The following C4orf51 variants were observed in gnomAD, a reference collection of about 807,000 sequenced individuals.
The protein encoded by C4orf51 is uncharacterized protein C4orf51.
Under a neutral mutation model 25.2 loss-of-function variants are expected in C4orf51, and 25 were observed. The observed-to-expected ratio is 0.99, with a 90% CI of 0.72 to 1.39. The LOEUF is 1.39. Among genes scored for constraint, C4orf51 ranks in the 40% most tolerant of loss-of-function variants. The pLI is 0.00. For missense variants in C4orf51, 252 were observed against 239.6 expected (o/e 1.05, Z -0.34); for synonymous variants, 100 against 84.5 (o/e 1.18, Z -1.01).
At chr4:145,742,451 C>T (rs1030971836) in intron 1 of C4orf51, among the ~76,000 whole-genome samples, 2 of 152,038 alleles carry the variant, frequency 1.3e-5, no homozygotes, top group South Asian at 4.1e-4. Context: ...CATCTTTGCT[C>T]CAACAAGTCT....
At position 145,712,209 on chromosome 4, in the gene C4orf51, C is replaced by T. The variant is rs148875559; in HGVS notation, c.308-14702C>T. Reference sequence around the variant, plus strand: ...AGGCCAATTAATAACCCTACAATGGCCTCTAATGGTTTGAGTGAAAGGAAG... The same window carrying T: ...AGGCCAATTAATAACCCTACAATGGTCTCTAATGGTTTGAGTGAAAGGAAG... On this transcript the variant is annotated intron_variant, in intron 2 of 5. Transcript: ENST00000438731. Among the ~76,000 whole-genome samples, 1,288 of 152,248 alleles carry T rather than the reference C, an allele frequency of 8.5e-3. 14 individuals are homozygous for T. Among genetic ancestry groups the T allele is most frequent in the African/African-American group, 0.028 (1,183 of 41,544 alleles).
intron 1 of C4orf51, among the ~76,000 whole-genome samples, chr4:145,742,609 A>G (rs13435176): frequency 0.51 from 73,088 of 143,932 alleles, 19,504 homozygotes; most frequent in Non-Finnish European, 0.62. Flanking sequence ...GCACGATCTC[A>G]GCTCACTGCA....
chr4:145,768,390 C>T (rs907051688), intron 1 of C4orf51, among the ~76,000 whole-genome samples: 1 of 152,106 alleles, frequency 6.6e-6, no homozygotes, highest in East Asian at 1.9e-4. Flanking sequence ...GTCTTGAACT[C>T]CTGACCTCAA....
downstream of C4orf51, chr4:145,775,651 C>T (rs1736951661): frequency 7.4e-6 from 8 of 1,078,030 alleles, no homozygotes; most frequent in African/African-American, 1.6e-5. Flanking sequence ...TCAATCTGAG[C>T]AAAGAAATTA....
chr4:145,705,680 G>T (rs749648945), intron 2 of C4orf51, among the ~76,000 whole-genome samples: 2 of 152,142 alleles, frequency 1.3e-5, no homozygotes, highest in African/African-American at 4.8e-5. Context: ...TGCCTCTGTC[G>T]TGTCCCAGTG....
In C4orf51 at chr4:145,727,895, GTATATATATATATA is replaced by G. The variant is rs35521926; in HGVS notation, c.366+941_366+954del. ...GAAACTCCACCTACAAAAAAAATGTGTATATATATATATATATATATATATATAAAATATATTAT... is the reference window on the plus strand; with the variant it reads ...GAAACTCCACCTACAAAAAAAATGTGTATATATATATATAAAATATATTAT... On this transcript the variant is annotated intron_variant, in intron 3 of 5. Coordinates refer to ENST00000438731, the MANE Select transcript of C4orf51 (RefSeq NM_001080531.3). Among the ~76,000 whole-genome samples the G allele has an allele frequency of 2.5e-4, 25 of 101,618 alleles. No homozygotes were observed. In the East Asian group the frequency reaches 4.2e-3, roughly 17 times the overall value. The allele number at this position is 101,618 out of a possible 152,430, so 66.7% of individuals were successfully genotyped here. A position where few individuals can be genotyped will look rare whatever the true frequency, so the allele number is the denominator to read the frequency against.
chr4:145,705,982 A>G (rs1025138906), intron 2 of C4orf51, among the ~76,000 whole-genome samples: 2 of 152,196 alleles, frequency 1.3e-5, no homozygotes, highest in Non-Finnish European at 2.9e-5. Context: ...ATATTGATCC[A>G]GATTTTTACA....
At chr4:145,703,416 G>A (rs1038155024) in intron 2 of C4orf51, among the ~76,000 whole-genome samples, 6 of 151,764 alleles carry the variant, frequency 4.0e-5, no homozygotes, top group African/African-American at 2.4e-5. Context: ...CTCTCTTTTC[G>A]GACTCAGCCC....
intron 1 of C4orf51, among the ~76,000 whole-genome samples, chr4:145,695,670 T>C (rs1276124626): frequency 1.3e-5 from 2 of 152,236 alleles, no homozygotes; most frequent in African/African-American, 4.8e-5. Flanking sequence ...CATGAAATCT[T>C]TCTGGAATAT....
intron 1 of C4orf51, among the ~76,000 whole-genome samples, chr4:145,751,546 C>A (rs1409344356): frequency 6.6e-6 from 1 of 152,180 alleles, no homozygotes. Flanking sequence ...CATAAGCAAC[C>A]CATCGCACTA....
the C4orf51 span, among the ~76,000 whole-genome samples, chr4:145,781,682 A>G: frequency 1.3e-5 from 2 of 152,170 alleles, no homozygotes; most frequent in African/African-American, 2.4e-5. Context: ...GACAAGAACT[A>G]CTCTTAAACA....
intron 2 of C4orf51, among the ~76,000 whole-genome samples, chr4:145,719,005 C>A (rs894319112): frequency 5.3e-5 from 8 of 152,200 alleles, no homozygotes; most frequent in African/African-American, 1.7e-4. Flanking sequence ...TATCTTGATG[C>A]CTGCTTTGCT....
At chr4:145,748,501 TTC>T (rs1431481827) in intron 1 of C4orf51, among the ~76,000 whole-genome samples, 1 of 152,166 alleles carries the variant, frequency 6.6e-6, no homozygotes, top group Non-Finnish European at 1.5e-5. Flanking sequence ...GAAGTTTTTC[TTC>T]TTTTTTGATG....
intron 1 of C4orf51, among the ~76,000 whole-genome samples, chr4:145,740,719 C>T (rs990404330): frequency 3.9e-5 from 6 of 152,192 alleles, no homozygotes; most frequent in Non-Finnish European, 5.9e-5. Flanking sequence ...AATGGAAGAG[C>T]CCACCATGGC....
downstream of C4orf51, among the ~76,000 whole-genome samples, chr4:145,734,075 T>C (rs1732663547): frequency 6.6e-6 from 1 of 152,260 alleles, no homozygotes; most frequent in Admixed American, 6.5e-5. Flanking sequence ...GCTTTACAGA[T>C]AGGTTGCAAC....
At chr4:145,689,515 A>G (rs894747704) in intron 1 of C4orf51, among the ~76,000 whole-genome samples, 6 of 152,310 alleles carry the variant, frequency 3.9e-5, no homozygotes, top group Admixed American at 3.3e-4. Flanking sequence ...TTCAAAATTA[A>G]ATCAATAAAC....
Position 145,729,944 on chromosome 4 carries a change from A to G in C4orf51, c.480A>G (p.Arg160=). 1 of 1,613,942 alleles carries G rather than the reference A, an allele frequency of 6.2e-7. No individual in the cohort carries two copies. Among genetic ancestry groups the G allele is most frequent in the Non-Finnish European group, 8.5e-7 (1 of 1,179,840 alleles). The change falls in exon 5 of 6, where the codon CGA becomes CGG. Residue 160 remains arginine (R), a synonymous_variant. Coordinates refer to ENST00000438731, the MANE Select transcript of C4orf51 (RefSeq NM_001080531.3). The part of the protein sequence containing the change: ...AQEALINYSR[R]GKGVLKHLHG... Reference sequence around the variant, plus strand: ...AGGCCCTGATAAACTACAGTCGACGAGGGAAAGGTGTCCTAAAGCATGTAA... The same window carrying G: ...AGGCCCTGATAAACTACAGTCGACGGGGGAAAGGTGTCCTAAAGCATGTAA...
chr4:145,745,927 G>A (rs907739668), intron 1 of C4orf51, among the ~76,000 whole-genome samples: 2 of 152,180 alleles, frequency 1.3e-5, no homozygotes, highest in Admixed American at 1.3e-4. Context: ...TAACTTGGGC[G>A]AGATGATATC....
chr4:145,761,746 G>GGGGTGGAA lies in C4orf51; in HGVS notation n.167-9241_167-9234dup. 1 of 428,242 alleles carries GGGGTGGAA rather than the reference G, an allele frequency of 2.3e-6. No homozygotes were observed. Among genetic ancestry groups the GGGGTGGAA allele is most frequent in the Admixed American group, 3.8e-5 (1 of 26,464 alleles). The allele number at this position is 428,242 out of a possible 1,614,324, so 26.5% of individuals were successfully genotyped here. A position where few individuals can be genotyped will look rare whatever the true frequency, so the allele number is the denominator to read the frequency against. ...CCCAGCCCAGCCCTGCCGCCTCTCA[G>GGGGTGGAA]GGGTGGAACGGCCCTTTTTGGCTCT... On this transcript the variant is annotated intron_variant and non_coding_transcript_variant, in intron 1 of 1. Coordinates refer to the C4orf51 transcript ENST00000510096. This position sits in a 1 kb window ranked among gnomAD's most constrained non-coding sequence, Gnocchi z 6.8.
Sources: gnomAD v4.1 joint callset for allele counts (sites outside exome capture counted in the v4.1 genomes callset) on GRCh38, gnomAD v4.1.1 for gene constraint, Gnocchi (gnomAD v3.1) non-coding constraint, MANE v1.5 for transcripts, NCBI Gene and HGNC (gene_info 2026-07-23, HGNC 2026-07-21) for gene names.